Variants in MSH6 observed in about 807,000 individuals in gnomAD.
The protein encoded by MSH6 is DNA mismatch repair protein Msh6.
A neutral mutation model predicts 119.1 loss-of-function variants in MSH6; 85 were observed. The observed-to-expected ratio is 0.71, with a 90% CI of 0.60 to 0.85. The LOEUF is 0.85. Ranked by LOEUF, MSH6 falls within the 40% of genes least tolerant of loss-of-function variation. The probability of loss-of-function intolerance (pLI) is 0.00; values close to 1 mark genes in which losing one functional copy is unlikely to be tolerated. For missense variants in MSH6, 2,163 were observed against 1,655.3 expected (o/e 1.31, Z -5.32); for synonymous variants, 830 against 586.9 (o/e 1.41, Z -5.99).
intron 1 of MSH6, among the ~76,000 whole-genome samples, chr2:47,788,922 G>GTTTTTTTTGTTTTTGTTTTTTTTTTTTTT (rs1668541391): frequency 4.9e-5 from 2 of 40,954 alleles, no homozygotes; most frequent in African/African-American, 2.0e-4. Flanking sequence ...TTTTTTTTTT[G>GTTTTTTTTGTTTTTGTTTTTTTTTTTTTT]TTTTTTTTTT....
rs1057523866 is a variant in MSH6 at position 47,801,166 on chromosome 2, G to T, written c.3172+11G>T. On this transcript the variant is annotated intron_variant, in intron 4 of 9. Coordinates refer to ENST00000234420, the MANE Select transcript of MSH6 (RefSeq NM_000179.3). ...GTATCGCAGTGTTGGGTAAGACTTTGAACAAGCTTGTTCTCAGGCTTTGAT... is the reference window on the plus strand; with the variant it reads ...GTATCGCAGTGTTGGGTAAGACTTTTAACAAGCTTGTTCTCAGGCTTTGAT... 6 of 1,607,374 alleles carry T rather than the reference G, an allele frequency of 3.7e-6. No homozygotes were observed. Among genetic ancestry groups the T allele is most frequent in the South Asian group, 1.1e-5 (1 of 91,024 alleles).
intron 2 of MSH6, among the ~76,000 whole-genome samples, chr2:47,793,589 G>A (rs534023203): frequency 6.0e-5 from 9 of 150,864 alleles, no homozygotes; most frequent in South Asian, 4.2e-4. Flanking sequence ...CCTGGGGAAC[G>A]GAGTGAGACT....
chr2:47,802,283 G>T (rs1243826163), intron 4 of MSH6, among the ~76,000 whole-genome samples: 1 of 152,060 alleles, frequency 6.6e-6, no homozygotes, highest in East Asian at 1.9e-4. Context: ...TAAATGTCAC[G>T]GCCAACATTA....
At chr2:47,808,544 G>C (rs1670384593), downstream of MSH6, 1 of 779,044 alleles carries the variant, frequency 1.3e-6, no homozygotes, top group Non-Finnish European at 2.0e-6. Flanking sequence ...AAAATTCTTT[G>C]TGGCTCCAGC....
intron 7 of MSH6, 122 bp from the exon 8 acceptor site, chr2:47,806,082 G>T: frequency 1.1e-6 from 1 of 945,422 alleles, no homozygotes; most frequent in South Asian, 1.4e-5. Flanking sequence ...CCTATTTATA[G>T]AATGCTTTTA....
rs1572720985 is a variant in MSH6 at position 47,798,934 on chromosome 2, G to A, written c.951G>A (p.Lys317=). ...CTCTTAAAAGGAAAAGCTCTAGGAA[G>A]GAAACGCCCTCAGCCACCAAACAAG... The part of the protein sequence containing the change: ...NGSLKRKSSR[K]ETPSATKQAT... The change falls in exon 4 of 10, where the codon AAG becomes AAA. Residue 317 remains lysine (K), a synonymous_variant. Transcript: ENST00000234420. The A allele has an allele frequency of 6.2e-7, 1 of 1,614,080 alleles. No individual in the cohort carries two copies. The highest frequency in any genetic ancestry group is 2.2e-5 in the East Asian group (1 of 44,878).
At position 47,805,703 on chromosome 2, in the gene MSH6, A is replaced by G. The variant is rs765247025; in HGVS notation, c.3642A>G (p.Glu1214=). ...ATAHSLVLVD[E]LGRGTATFDG... is the part of the protein sequence containing the mutation. ...CACATTCTCTGGTGCTTGTGGATGA[A>G]TTAGGTAAGACATTAAACTTCTCAT... The change falls in exon 7 of 10, where the codon GAA becomes GAG. Residue 1214 remains glutamate, a synonymous_variant. Coordinates refer to ENST00000234420, the MANE Select transcript of MSH6 (RefSeq NM_000179.3). 17 of 1,603,192 alleles carry G rather than the reference A, an allele frequency of 1.1e-5. No homozygotes were observed. Among genetic ancestry groups the G allele is most frequent in the South Asian group, 1.1e-5 (1 of 90,800 alleles).
chr2:47,790,511 T>C (rs1415088694), intron 1 of MSH6, among the ~76,000 whole-genome samples: 1 of 152,244 alleles, frequency 6.6e-6, no homozygotes, highest in Non-Finnish European at 1.5e-5. Flanking sequence ...TAGTAAATTA[T>C]GTAATCAGTA....
chr2:47,783,169 G>A lies in MSH6; in HGVS notation c.-65G>A, dbSNP rs1668102609. Reference sequence around the variant, plus strand: ...CAGATTTCCCGCCAGCAGGAGCCGCGCGGTAGATGCGGTGCTTTTAGGAGC... The same window carrying A: ...CAGATTTCCCGCCAGCAGGAGCCGCACGGTAGATGCGGTGCTTTTAGGAGC... On this transcript the variant is annotated 5_prime_UTR_variant, in exon 1 of 10. Transcript: ENST00000234420. 2 of 1,594,228 alleles carry A rather than the reference G, an allele frequency of 1.3e-6. No individual in the cohort carries two copies. Among genetic ancestry groups the A allele is most frequent in the South Asian group, 2.2e-5 (2 of 89,030 alleles).
chr2:47,806,896 C>CAAAGGTGGTAAATTCAG lies in MSH6; in HGVS notation c.*38_*54dup, dbSNP rs1670238246. 2.1e-6 allele frequency: 3 copies of CAAAGGTGGTAAATTCAG among 1,450,182 alleles called. No individual in the cohort carries two copies. The highest frequency in any genetic ancestry group is 2.9e-6 in the Non-Finnish European group (3 of 1,032,406). The allele number at this position is 1,450,182 out of a possible 1,614,324, so 89.8% of individuals were successfully genotyped here. A position where few individuals can be genotyped will look rare whatever the true frequency, so the allele number is the denominator to read the frequency against. ...TTGGAAGCTTTGAGTTGACTTCTGA[C>CAAAGGTGGTAAATTCAG]AAAGGTGGTAAATTCAGACAACATT... is the stretch of plus-strand genomic sequence containing the variant. On this transcript the variant is annotated 3_prime_UTR_variant, in exon 10 of 10. Coordinates refer to ENST00000234420, the MANE Select transcript of MSH6 (RefSeq NM_000179.3).
At chr2:47,783,788 C>A in intron 1 of MSH6, 1 of 401,916 alleles carries the variant, frequency 2.5e-6, no homozygotes, top group Non-Finnish European at 3.3e-6. Flanking sequence ...GGTGGGGGTG[C>A]TGGGCTAAGG....
chr2:47,807,145 G>A, downstream of MSH6: 1 of 394,190 alleles, frequency 2.5e-6, no homozygotes, highest in Non-Finnish European at 4.6e-6. Flanking sequence ...AACTGTATAG[G>A]GCTGTATATA....
rs1668530786 is a variant in MSH6, at chr2:47,788,906, CCTTTTTTT to C, written c.261-2020_261-2013del. Among the ~76,000 whole-genome samples the C allele has an allele frequency of 3.8e-4, 6 of 15,836 alleles. No individual in the cohort carries two copies. In the South Asian group the frequency reaches 0.012, roughly 33 times the overall value. The allele number at this position is 15,836 out of a possible 152,430, so 10.4% of individuals were successfully genotyped here. ...GCTATTTCTTTCTTTCTTTCTTCTT[CCTTTTTTT>C]TTTTTTTGTTTTTTTTTTTTTTTTT... On this transcript the variant is annotated intron_variant, in intron 1 of 9. Coordinates refer to ENST00000234420, the MANE Select transcript of MSH6 (RefSeq NM_000179.3).
chr2:47,805,135 G>C (rs976691759), intron 6 of MSH6, 108 bp downstream of exon 6: 3 of 807,914 alleles, frequency 3.7e-6, no homozygotes, highest in African/African-American at 1.7e-5. Context: ...GATTTTTCTG[G>C]TGTTACTTTA....
chr2:47,793,323 A>ATC (rs1351656653), intron 2 of MSH6, among the ~76,000 whole-genome samples: 34 of 123,136 alleles, frequency 2.8e-4, no homozygotes, highest in Admixed American at 9.9e-4. Flanking sequence ...TGTCTCAAAA[A>ATC]AAAAAAAAAA....
At chr2:47,783,624 C>T in intron 1 of MSH6, 131 bp downstream of exon 1, 1 of 966,622 alleles carries the variant, frequency 1.0e-6, no homozygotes, top group Non-Finnish European at 1.4e-6. Context: ...GGCGGGGCCG[C>T]AGAGTTGGCT....
rs63751127 is a variant in MSH6, at chr2:47,800,177, C to T, written c.2194C>T (p.Arg732Ter). The T allele has an allele frequency of 5.0e-6, 8 of 1,614,012 alleles. No homozygotes were observed. Among genetic ancestry groups the T allele is most frequent in the Non-Finnish European group, 6.8e-6 (8 of 1,180,036 alleles). Reference protein sequence around the residue: ...SGAIFTKAYQRMVLDAVTLNN... With the variant: ...SGAIFTKAYQ The stretch of plus-strand genomic sequence containing the variant: ...TGCTATCTTCACCAAAGCCTATCAA[C>T]GAATGGTGCTAGATGCAGTGACATT... Residue 732 changes from arginine (R) to a stop codon, truncating the protein, a stop_gained, in exon 4 of 10, where the codon CGA becomes TGA. Coordinates refer to ENST00000234420, the MANE Select transcript of MSH6 (RefSeq NM_000179.3). LOFTEE classifies it high-confidence loss of function.
At chr2:47,806,977 G>A, downstream of MSH6, 1 of 808,624 alleles carries the variant, frequency 1.2e-6, no homozygotes. Context: ...TTCTTTCTAG[G>A]AAATTAAACC....
rs2104537293 is a variant in MSH6 at position 47,806,216 on chromosome 2, C to T, written c.3659C>T (p.Ala1220Val). The T allele has an allele frequency of 6.2e-7, 1 of 1,613,942 alleles. No individual in the cohort carries two copies. The highest frequency in any genetic ancestry group is 8.5e-7 in the Non-Finnish European group (1 of 1,179,914). Residue 1220 changes from alanine to valine, a missense_variant, in exon 8 of 10, where the codon GCA becomes GTA. Physicochemically the swap from Ala to Val is moderately conservative, Grantham distance 64. Transcript: ENST00000234420. ...TTTACTTTAACAGGAAGAGGTACTG[C>T]AACATTTGATGGGACGGCAATAGCA... is the stretch of plus-strand genomic sequence containing the variant. ...VLVDELGRGT[A>V]TFDGTAIANA...
Sources: gnomAD v4.1 joint callset for allele counts (sites outside exome capture counted in the v4.1 genomes callset) on GRCh38, gnomAD v4.1.1 for gene constraint, MANE v1.5 for transcripts, NCBI Gene and HGNC (gene_info 2026-07-23, HGNC 2026-07-21) for gene names.